SAP30BP: variants seen among roughly 807,000 people sequenced by gnomAD.
SAP30BP encodes the protein SAP30-binding protein.
SAP30BP carries 31 observed loss-of-function variants against 46.3 expected under a neutral mutation model. That is an observed-to-expected ratio of 0.67 (90% CI 0.50 to 0.90). SAP30BP has a LOEUF of 0.90. Among genes scored for constraint, SAP30BP ranks in the 40% least tolerant of loss-of-function variants. The pLI, the probability that SAP30BP is intolerant of heterozygous loss-of-function variation, is 0.00. For missense variants in SAP30BP, 312 were observed against 391.0 expected, an observed-to-expected ratio of 0.80 and a Z score of 1.70; for synonymous variants, 169 against 144.2, an observed-to-expected ratio of 1.17 and a Z score of -1.23.
At chr17:75,692,608 A>G in intron 3 of SAP30BP, 1 of 685,628 alleles carries the variant, frequency 1.5e-6, no homozygotes, top group Non-Finnish European at 1.8e-6. Flanking sequence ...TGGCTTTCTC[A>G]GCATTGATTT....
chr17:75,699,598 C>T (rs974838990), intron 4 of SAP30BP, among the ~76,000 whole-genome samples, 185 bp from the exon 5 acceptor site: 3 of 152,200 alleles, frequency 2.0e-5, no homozygotes, highest in Non-Finnish European at 4.4e-5. Context: ...CATGGCCCAC[C>T]CCTTCCGGTC....
chr17:75,672,942 A>G (rs2148371142), intron 3 of SAP30BP, among the ~76,000 whole-genome samples: 1 of 152,146 alleles, frequency 6.6e-6, no homozygotes, highest in African/African-American at 2.4e-5. Context: ...CAACCTGGGC[A>G]ACAGAATGAG....
At chr17:75,682,074 T>C (rs1039094683) in intron 3 of SAP30BP, among the ~76,000 whole-genome samples, 14 of 152,140 alleles carry the variant, frequency 9.2e-5, no homozygotes, top group Non-Finnish European at 2.9e-5. Flanking sequence ...TATAAAAATA[T>C]AAAATGTTTT....
intron 3 of SAP30BP, among the ~76,000 whole-genome samples, chr17:75,676,877 C>G (rs2059998461): frequency 1.3e-5 from 2 of 152,096 alleles, no homozygotes. Context: ...ATGTATAGGT[C>G]TCAGTACTAT....
intron 9 of SAP30BP, chr17:75,705,794 A>G: frequency 9.8e-7 from 1 of 1,018,372 alleles, no homozygotes; most frequent in South Asian, 1.7e-5. Flanking sequence ...GCCGGGAGGG[A>G]TACAGTACTG....
intron 3 of SAP30BP, among the ~76,000 whole-genome samples, chr17:75,687,925 T>TGG (rs2060182825): frequency 1.1e-5 from 1 of 92,988 alleles, no homozygotes; most frequent in Non-Finnish European, 2.5e-5. Flanking sequence ...GGGGTGTGTG[T>TGG]GTGTGTGTGT....
chr17:75,695,037 C>T (rs2060296232), intron 4 of SAP30BP, among the ~76,000 whole-genome samples: 1 of 152,186 alleles, frequency 6.6e-6, no homozygotes, highest in African/African-American at 2.4e-5. Context: ...GAAATGTTCC[C>T]TTGTGCCCCG....
At chr17:75,673,174 AGAG>A (rs1451716569) in intron 3 of SAP30BP, among the ~76,000 whole-genome samples, 1 of 152,226 alleles carries the variant, frequency 6.6e-6, no homozygotes, top group Admixed American at 6.5e-5. Flanking sequence ...GAGAAAGATA[AGAG>A]TGTGTTTTAC....
intron 2 of SAP30BP, among the ~76,000 whole-genome samples, chr17:75,671,073 G>T (rs1226298695): frequency 6.6e-6 from 1 of 152,206 alleles, no homozygotes; most frequent in Non-Finnish European, 1.5e-5. Context: ...GCTCGCTTTG[G>T]AGAATGCCTT....
chr17:75,690,966 T>C (rs895498874), intron 3 of SAP30BP, among the ~76,000 whole-genome samples: 5 of 152,210 alleles, frequency 3.3e-5, no homozygotes, highest in Non-Finnish European at 7.3e-5. Context: ...GGCTACTTCA[T>C]GCATTTGGTT....
intron 3 of SAP30BP, chr17:75,683,610 A>G (rs1256630474): frequency 1.3e-5 from 2 of 152,202 alleles, no homozygotes; most frequent in Non-Finnish European, 2.9e-5. Flanking sequence ...TTCTCTGGTG[A>G]ACAGGAAATG....
chr17:75,700,878 G>A (rs2060399502), intron 5 of SAP30BP, among the ~76,000 whole-genome samples: 1 of 152,234 alleles, frequency 6.6e-6, no homozygotes, highest in African/African-American at 2.4e-5. Context: ...CCTGATGGTG[G>A]AAACCATGAC....
chr17:75,677,909 C>T (rs979284528), intron 3 of SAP30BP, among the ~76,000 whole-genome samples: 3 of 151,864 alleles, frequency 2.0e-5, no homozygotes, highest in Non-Finnish European at 4.4e-5. Flanking sequence ...CTTTGCAGAC[C>T]CCTTAGAAAA....
intron 3 of SAP30BP, among the ~76,000 whole-genome samples, chr17:75,679,187 AG>A (rs1410096245): frequency 6.6e-6 from 1 of 151,768 alleles, no homozygotes; most frequent in African/African-American, 2.4e-5. Flanking sequence ...TAGTAGAGAC[AG>A]GGTTTCACCA....
At chr17:75,699,505 TAAAAAA>T (rs56285842) in intron 4 of SAP30BP, among the ~76,000 whole-genome samples, 21 of 134,070 alleles carry the variant, frequency 1.6e-4, no homozygotes, top group African/African-American at 5.2e-4. Context: ...CCCGTCTCTT[TAAAAAA>T]AAAAAAAAAA....
At chr17:75,699,211 T>G (rs2060368061) in intron 4 of SAP30BP, among the ~76,000 whole-genome samples, 1 of 152,196 alleles carries the variant, frequency 6.6e-6, no homozygotes. Flanking sequence ...TGTATTTTAT[T>G]TTCCTTTTTG....
intron 5 of SAP30BP, chr17:75,700,260 G>A (rs707706): frequency 0.99 from 154,835 of 156,334 alleles, 76,701 homozygotes; most frequent in East Asian, 1. Flanking sequence ...AAATGAAAAA[G>A]TCACAGGCAT....
intron 3 of SAP30BP, among the ~76,000 whole-genome samples, chr17:75,685,896 C>G (rs951429232): frequency 6.6e-6 from 1 of 152,128 alleles, no homozygotes; most frequent in Non-Finnish European, 1.5e-5. Flanking sequence ...CCCTCTCTGA[C>G]CATCTTCTGT....
intron 3 of SAP30BP, chr17:75,691,655 G>A (rs553433448): frequency 6.0e-5 from 22 of 368,364 alleles, no homozygotes; most frequent in African/African-American, 4.5e-4. Flanking sequence ...CATGAGAAGG[G>A]GTGGGTGTGG....
Sources: gnomAD v4.1 joint callset for allele counts (sites outside exome capture counted in the v4.1 genomes callset) on GRCh38, gnomAD v4.1.1 for gene constraint, MANE v1.5 for transcripts, NCBI Gene and HGNC (gene_info 2026-07-23, HGNC 2026-07-21) for gene names.